The following DDX46 variants were observed in gnomAD, a reference collection of about 807,000 sequenced individuals.
The protein encoded by DDX46 is DEAD-box helicase 46.
Under a neutral mutation model 134.9 loss-of-function variants are expected in DDX46, and 30 were observed. That is an observed-to-expected ratio of 0.22 (90% CI 0.17 to 0.30). The LOEUF is 0.30. Among genes scored for constraint, DDX46 ranks in the 10% least tolerant of loss-of-function variants. DDX46 has a pLI of 1.00. For synonymous variants in DDX46, 415 were observed against 404.1 expected (o/e 1.03, Z -0.32); for missense variants, 622 against 1,248.7 (o/e 0.50, Z 7.56).
chr5:134,810,606 A>G (rs955410734), intron 16 of DDX46, among the ~76,000 whole-genome samples: 6 of 151,634 alleles, frequency 4.0e-5, no homozygotes, highest in Non-Finnish European at 7.4e-5. Flanking sequence ...GGCCTCCCAA[A>G]GTGCTGGGAT....
At chr5:134,804,199 G>T (rs1194723300) in intron 15 of DDX46, among the ~76,000 whole-genome samples, 1 of 151,930 alleles carries the variant, frequency 6.6e-6, no homozygotes, top group Non-Finnish European at 1.5e-5. Flanking sequence ...GTGTGTCCTA[G>T]GACCTCTGAG....
At chr5:134,765,346 C>T (rs1280115738) in intron 2 of DDX46, among the ~76,000 whole-genome samples, 1 of 147,370 alleles carries the variant, frequency 6.8e-6, no homozygotes, top group Non-Finnish European at 1.5e-5. Flanking sequence ...GAGTTTGAGA[C>T]CAGCCTGGCC....
chr5:134,763,699 C>T lies in DDX46; in HGVS notation c.18-205C>T, dbSNP rs112665833. 2.0e-5 allele frequency among the ~76,000 whole-genome samples: 3 copies of T among 152,306 alleles called. No homozygotes were observed. In the South Asian group the frequency reaches 6.2e-4, roughly 32 times the overall value. ...TCTGTTTTGTTCACTGTCCTTGCCT[C>T]TCTTTCAAGACAGATTTTCCACCTC... On this transcript the variant is annotated intron_variant, in intron 1 of 22. Transcript: ENST00000452510.
chr5:134,798,495 G>A (rs955060538), intron 15 of DDX46, among the ~76,000 whole-genome samples: 2 of 152,146 alleles, frequency 1.3e-5, no homozygotes, highest in Admixed American at 6.6e-5. Context: ...GAACCACCAC[G>A]CCCGGCCTTA....
intron 7 of DDX46, 27 bp from the exon 8 acceptor site, chr5:134,781,894 G>A (rs765998059): frequency 1.1e-5 from 18 of 1,587,442 alleles, no homozygotes; most frequent in Non-Finnish European, 1.5e-5. Context: ...TGAACTTAGC[G>A]CTTTAATTTT....
intron 5 of DDX46, among the ~76,000 whole-genome samples, chr5:134,776,173 CA>C (rs1315605445): frequency 1.3e-5 from 2 of 152,068 alleles, no homozygotes; most frequent in Non-Finnish European, 2.9e-5. Context: ...AGGTGGTTCA[CA>C]AGGTCAAGAG....
chr5:134,801,108 A>G (rs1754815005), intron 15 of DDX46, among the ~76,000 whole-genome samples: 1 of 151,924 alleles, frequency 6.6e-6, no homozygotes, highest in African/African-American at 2.4e-5. Context: ...GCATAGCAAG[A>G]CCCCATCTCT....
intron 19 of DDX46, chr5:134,817,165 C>T (rs1755308088): frequency 4.4e-6 from 1 of 228,358 alleles, no homozygotes. Context: ...GGAGGAGACT[C>T]CTAGGAATTA....
chr5:134,766,929 T>C lies in DDX46; in HGVS notation c.219T>C (p.Ser73=). The C allele has an allele frequency of 6.2e-7, 1 of 1,612,410 alleles. No homozygotes were observed. The highest frequency in any genetic ancestry group is 8.5e-7 in the Non-Finnish European group (1 of 1,179,446). The change falls in exon 3 of 23, where the codon AGT becomes AGC. Residue 73 remains serine, a synonymous_variant. Coordinates refer to ENST00000452510, the MANE Select transcript of DDX46 (RefSeq NM_001300860.2). The stretch of plus-strand genomic sequence containing the variant: ...GTCCCCCTTTCAGACGTTCCAGAAG[T>C]AGAGAGAGAGACAGAAGCCGAGAGC... ...RDRKRLRRSR[S]RERDRSRERR...
At chr5:134,815,511 T>C (rs1309116198) in intron 18 of DDX46, among the ~76,000 whole-genome samples, 1 of 151,696 alleles carries the variant, frequency 6.6e-6, no homozygotes, top group Admixed American at 6.6e-5. Flanking sequence ...GATGAGACCA[T>C]CCTGCCTAAC....
intron 21 of DDX46, among the ~76,000 whole-genome samples, chr5:134,821,895 T>TG (rs1043166048): frequency 2.0e-5 from 3 of 150,110 alleles, no homozygotes; most frequent in African/African-American, 7.4e-5. Context: ...GGTTTTTTTT[T>TG]GTTTTTTTTT....
chr5:134,771,091 C>A, intron 4 of DDX46, 92 bp downstream of exon 4: 2 of 525,924 alleles, frequency 3.8e-6, no homozygotes, highest in Non-Finnish European at 3.3e-6. Context: ...CTTTCTTTCT[C>A]TTTCTTTCTT....
chr5:134,818,699 G>A (rs552341564), intron 20 of DDX46, among the ~76,000 whole-genome samples, 161 bp from the exon 21 acceptor site: 9 of 147,270 alleles, frequency 6.1e-5, no homozygotes, highest in South Asian at 4.3e-4. Context: ...CGAAAACTCC[G>A]TCTCAAAAGA....
chr5:134,811,862 T>C lies in DDX46; in HGVS notation c.2436+17T>C. On this transcript the variant is annotated intron_variant, in intron 18 of 22. Coordinates refer to ENST00000452510, the MANE Select transcript of DDX46 (RefSeq NM_001300860.2). ...GCAGTTGATGTAAGTACTATTATTC[T>C]CTCATTCTTAATTGAAGCAGTTATT... 1 of 1,600,224 alleles carries C rather than the reference T, an allele frequency of 6.2e-7. No individual in the cohort carries two copies. The highest frequency in any genetic ancestry group is 1.1e-5 in the South Asian group (1 of 88,122).
rs201420630 is a variant in DDX46 at position 134,807,770 on chromosome 5, T to C, written c.1977T>C (p.Asp659=). ...CAGGCATTGATCAATATGACAGAGATAGCATCATAAATGACTTTAAGAATG... is the reference window on the plus strand; with the variant it reads ...CAGGCATTGATCAATATGACAGAGACAGCATCATAAATGACTTTAAGAATG... ...LHGGIDQYDR[D]SIINDFKNGT... is the part of the protein sequence containing the mutation. The change falls in exon 16 of 23, where the codon GAT becomes GAC. Residue 659 remains aspartate (D), a synonymous_variant. Coordinates refer to ENST00000452510, the MANE Select transcript of DDX46 (RefSeq NM_001300860.2). 1.7e-5 allele frequency: 28 copies of C among 1,614,086 alleles called. No homozygotes were observed. Among genetic ancestry groups the C allele is most frequent in the Non-Finnish European group, 2.4e-5 (28 of 1,179,980 alleles).
chr5:134,774,923 T>C (rs1753887932), intron 5 of DDX46, among the ~76,000 whole-genome samples: 1 of 152,014 alleles, frequency 6.6e-6, no homozygotes, highest in African/African-American at 2.4e-5. Flanking sequence ...GCCTCCCAGG[T>C]TCAAGCTATT....
intron 1 of DDX46, among the ~76,000 whole-genome samples, chr5:134,763,460 A>G (rs1753459072): frequency 6.6e-6 from 1 of 152,190 alleles, no homozygotes; most frequent in Non-Finnish European, 1.5e-5. Context: ...TCACCAGTCA[A>G]GCTTCCTCTT....
rs1385204440 is a variant in DDX46, at chr5:134,829,952, A to ATAAATAAATAAG, written c.*1248_*1249insAATAAATAAGTA. 1.3e-5 allele frequency: 2 copies of ATAAATAAATAAG among 152,024 alleles called. No homozygotes were observed. The highest frequency in any genetic ancestry group is 2.1e-4 in the South Asian group (1 of 4,820). The allele number at this position is 152,024 out of a possible 1,614,324, so 9.4% of individuals were successfully genotyped here. The stretch of plus-strand genomic sequence containing the variant: ...CAAAAATAAATAAATAAATAAATAA[A>ATAAATAAATAAG]TAGTATTTTTGAGCCTTCAAGATAC... On this transcript the variant is annotated 3_prime_UTR_variant, in exon 23 of 23. Coordinates refer to ENST00000452510, the MANE Select transcript of DDX46 (RefSeq NM_001300860.2).
intron 6 of DDX46, among the ~76,000 whole-genome samples, chr5:134,779,934 A>G (rs1754081194): frequency 6.6e-6 from 1 of 152,220 alleles, no homozygotes; most frequent in Non-Finnish European, 1.5e-5. Context: ...TGCCATCTCT[A>G]CTAAAAATAC....
Sources: gnomAD v4.1 joint callset for allele counts (sites outside exome capture counted in the v4.1 genomes callset) on GRCh38, gnomAD v4.1.1 for gene constraint, MANE v1.5 for transcripts, NCBI Gene and HGNC (gene_info 2026-07-23, HGNC 2026-07-21) for gene names.